Variants in NCAM1 observed in about 807,000 individuals in gnomAD.
NCAM1 encodes the protein antigen recognized by monoclonal antibody 5.1H11.
NCAM1 carries 14 observed loss-of-function variants against 109.8 expected under a neutral mutation model. That is an observed-to-expected ratio of 0.13 (90% CI 0.08 to 0.20). The LOEUF is 0.20. Among genes scored for constraint, NCAM1 ranks in the 10% least tolerant of loss-of-function variants. The probability of loss-of-function intolerance (pLI) is 1.00; values close to 1 mark genes in which losing one functional copy is unlikely to be tolerated. For synonymous variants in NCAM1, 418 were observed against 442.9 expected, an observed-to-expected ratio of 0.94 and a Z score of 0.70; for missense variants, 774 against 1,109.9, an observed-to-expected ratio of 0.70 and a Z score of 4.30.
intron 1 of NCAM1, among the ~76,000 whole-genome samples, chr11:112,986,782 T>G (rs1320741086): frequency 6.6e-6 from 1 of 152,032 alleles, no homozygotes; most frequent in Non-Finnish European, 1.5e-5. Context: ...TATTTCATTC[T>G]TCTCTCTCTT....
rs568183064 is a variant in NCAM1, at chr11:113,018,341, T to C, written c.52+56677T>C. On this transcript the variant is annotated intron_variant, in intron 1 of 19. Transcript: ENST00000316851. ...CCTTTTTTTTTTTGCCTGAAAGAAG[T>C]GGGGAATGAAAAGGGATTTTTCTAA... is the stretch of plus-strand genomic sequence containing the variant. Among the ~76,000 whole-genome samples, 36 of 151,562 alleles carry C rather than the reference T, an allele frequency of 2.4e-4. No homozygotes were observed. In the South Asian group the frequency reaches 7.5e-3, roughly 32 times the overall value.
chr11:112,961,758 C>G, intron 1 of NCAM1, 94 bp downstream of exon 1: 1 of 804,232 alleles, frequency 1.2e-6, no homozygotes, highest in South Asian at 1.7e-5. Flanking sequence ...GGTGGTTTTA[C>G]GTGGACTGCT....
At chr11:113,202,335 TTTTTTTG>T (rs782257855) in intron 1 of NCAM1, 37 bp from the exon 2 acceptor site, 2 of 1,515,038 alleles carry the variant, frequency 1.3e-6, no homozygotes, top group African/African-American at 3.0e-5. Context: ...TTTGTGGGTT[TTTTTTTG>T]TTTTTTGTTT....
chr11:113,039,479 G>C (rs1388119642), intron 1 of NCAM1, among the ~76,000 whole-genome samples: 1 of 152,152 alleles, frequency 6.6e-6, no homozygotes, highest in Non-Finnish European at 1.5e-5. Context: ...ATTTTCTTCA[G>C]TCATCTCAAG....
At chr11:113,236,439 G>A (rs1378971622) in intron 14 of NCAM1, 3 of 1,060,442 alleles carry the variant, frequency 2.8e-6, no homozygotes, top group East Asian at 2.4e-5. Flanking sequence ...TATTGTCTGG[G>A]CCCTAACCAC....
chr11:113,132,081 T>C (rs1941412283), intron 1 of NCAM1, among the ~76,000 whole-genome samples: 1 of 152,132 alleles, frequency 6.6e-6, no homozygotes, highest in African/African-American at 2.4e-5. Flanking sequence ...GAAACGCACA[T>C]CCTCTCCCTC....
At chr11:113,212,524 C>T (rs1432527647) in intron 7 of NCAM1, among the ~76,000 whole-genome samples, 1 of 152,158 alleles carries the variant, frequency 6.6e-6, no homozygotes, top group Non-Finnish European at 1.5e-5. Flanking sequence ...GTCAGCAAAA[C>T]GCTGTCCAGA....
intron 1 of NCAM1, among the ~76,000 whole-genome samples, chr11:113,160,684 T>C (rs1555104207): frequency 6.6e-6 from 1 of 152,184 alleles, no homozygotes; most frequent in African/African-American, 2.4e-5. Context: ...TTGCCCTAGG[T>C]GTTCATCATG....
At chr11:113,222,320 T>C (rs1555115479) in intron 9 of NCAM1, among the ~76,000 whole-genome samples, 1 of 152,248 alleles carries the variant, frequency 6.6e-6, no homozygotes, top group Non-Finnish European at 1.5e-5. Context: ...TCAGAACGTA[T>C]AACTCAAGTG....
chr11:113,099,662 C>T (rs1465231321), intron 1 of NCAM1, among the ~76,000 whole-genome samples: 1 of 152,112 alleles, frequency 6.6e-6, no homozygotes, highest in Non-Finnish European at 1.5e-5. Context: ...GCGAAGCTTG[C>T]TTCAAGGGCT....
At position 113,184,925 on chromosome 11, in the gene NCAM1, A is replaced by G. The variant is rs1021896107; in HGVS notation, c.53-17454A>G. Among the ~76,000 whole-genome samples, 7 of 152,084 alleles carry G rather than the reference A, an allele frequency of 4.6e-5. No homozygotes were observed. The East Asian group carries it at 1.2e-3, about 25-fold the overall frequency. On this transcript the variant is annotated intron_variant, in intron 1 of 19. Coordinates refer to ENST00000316851, the MANE Select transcript of NCAM1 (RefSeq NM_181351.5). ...TTGCAAGTCATATCTACTTTTAGAAAAATATGATGTTTTCATGTATATTGA... is the reference window on the plus strand; with the variant it reads ...TTGCAAGTCATATCTACTTTTAGAAGAATATGATGTTTTCATGTATATTGA...
At chr11:113,147,031 T>C (rs959812234) in intron 1 of NCAM1, among the ~76,000 whole-genome samples, 2 of 150,976 alleles carry the variant, frequency 1.3e-5, no homozygotes, top group African/African-American at 2.4e-5. Flanking sequence ...ATGATCTCAA[T>C]TGATAAGTTT....
At chr11:113,187,553 G>GTGTTTC (rs1943547947) in intron 1 of NCAM1, among the ~76,000 whole-genome samples, 2 of 128,100 alleles carry the variant, frequency 1.6e-5, no homozygotes, top group African/African-American at 5.6e-5. Context: ...GTGTGTGTGT[G>GTGTTTC]TGTGTGTTTC....
chr11:112,973,592 A>G (rs1294621401), intron 1 of NCAM1, among the ~76,000 whole-genome samples: 1 of 152,102 alleles, frequency 6.6e-6, no homozygotes, highest in African/African-American at 2.4e-5. Context: ...CAGTTATTTA[A>G]TCTCCAACGG....
At chr11:113,094,155 C>T (rs1343608033) in intron 1 of NCAM1, among the ~76,000 whole-genome samples, 18 of 152,154 alleles carry the variant, frequency 1.2e-4, no homozygotes, top group Admixed American at 1.2e-3. Context: ...GGGGAGGGAC[C>T]AATCTGACAT....
chr11:113,200,956 T>C (rs1298454431), intron 1 of NCAM1, among the ~76,000 whole-genome samples: 2 of 152,148 alleles, frequency 1.3e-5, no homozygotes, highest in Non-Finnish European at 2.9e-5. Context: ...AAACCAGTTT[T>C]TGGAAGTCTG....
intron 1 of NCAM1, among the ~76,000 whole-genome samples, chr11:112,965,052 C>T (rs185050122): frequency 9.3e-4 from 139 of 149,428 alleles, no homozygotes; most frequent in African/African-American, 3.3e-3. Flanking sequence ...TGATAACTTC[C>T]TTCCAGATAC....
intron 1 of NCAM1, among the ~76,000 whole-genome samples, chr11:112,995,905 G>A (rs2134897190): frequency 6.6e-6 from 1 of 152,186 alleles, no homozygotes; most frequent in East Asian, 1.9e-4. Flanking sequence ...TGACTGGATG[G>A]GAGTGTGGTG....
chr11:113,272,582 C>G (rs1946305936), intron 19 of NCAM1, among the ~76,000 whole-genome samples: 1 of 152,174 alleles, frequency 6.6e-6, no homozygotes, highest in Admixed American at 6.5e-5. Flanking sequence ...AAGCCTGCCC[C>G]TCCTTGAATG....
Sources: allele counts gnomAD v4.1 joint callset (sites outside exome capture counted in the v4.1 genomes callset), GRCh38; gene constraint gnomAD v4.1.1; transcripts MANE v1.5; gene names NCBI Gene and HGNC (gene_info 2026-07-23, HGNC 2026-07-21).